The following PCDHGB7 variants were observed in gnomAD, a reference collection of about 807,000 sequenced individuals.
The protein encoded by PCDHGB7 is protocadherin gamma-B7.
A neutral mutation model predicts 61.4 loss-of-function variants in PCDHGB7; 37 were observed. That is an observed-to-expected ratio of 0.60 (90% CI 0.46 to 0.79). PCDHGB7 has a LOEUF of 0.79. Among genes scored for constraint, PCDHGB7 ranks in the 30% least tolerant of loss-of-function variants. The probability of loss-of-function intolerance (pLI) is 0.00; values close to 1 mark genes in which losing one functional copy is unlikely to be tolerated. For synonymous variants in PCDHGB7, 464 were observed against 503.5 expected, an observed-to-expected ratio of 0.92 and a Z score of 1.05; for missense variants, 1,166 against 1,202.5, an observed-to-expected ratio of 0.97 and a Z score of 0.45.
chr5:141,444,013 C>T (rs1226458485), intron 1 of PCDHGB7, among the ~76,000 whole-genome samples: 2 of 152,060 alleles, frequency 1.3e-5, no homozygotes, highest in Admixed American at 6.6e-5. Flanking sequence ...TGGGTATTGG[C>T]TTCTAAAAGG....
rs1205353926 is a variant in PCDHGB7 at position 141,477,969 on chromosome 5, T to A, written c.2416-16838T>A. 6.2e-7 allele frequency: 1 copy of A among 1,613,962 alleles called. No homozygotes were observed. Among genetic ancestry groups the A allele is most frequent in the Non-Finnish European group, 8.5e-7 (1 of 1,180,032 alleles). ...CTCTTGGGATCCCCTAACCAGAGCC[T>A]TTTTGCCATAGGGCTGCACACTGGT... On this transcript the variant is annotated intron_variant, in intron 1 of 3. Coordinates refer to ENST00000398594, the MANE Select transcript of PCDHGB7 (RefSeq NM_018927.4). The surrounding 1 kb of genome is among the most constrained non-coding windows in gnomAD (Gnocchi z 4.9).
intron 1 of PCDHGB7, among the ~76,000 whole-genome samples, chr5:141,446,727 A>G (rs546345866): frequency 6.6e-6 from 1 of 152,258 alleles, no homozygotes; most frequent in African/African-American, 2.4e-5. Context: ...TCGGCCTCCC[A>G]AAGTGTGGGG....
chr5:141,423,569 TC>T (rs2096755253), intron 1 of PCDHGB7: 1 of 1,613,362 alleles, frequency 6.2e-7, no homozygotes, highest in Non-Finnish European at 8.5e-7. Context: ...GACACGCTCA[TC>T]AGCCAGGAGA....
chr5:141,418,810 A>G lies in PCDHGB7; in HGVS notation c.951A>G (p.Ile317Met), dbSNP rs149866479. The G allele has an allele frequency of 4.9e-3, 7,975 of 1,613,892 alleles. 44 individuals carry two copies. Among genetic ancestry groups the G allele is most frequent in the Admixed American group, 9.4e-3 (567 of 60,018 alleles). The change falls in exon 1 of 4, where the codon ATA (isoleucine) becomes ATG (methionine). Residue 317 changes from isoleucine to methionine, a missense_variant. Ile to Met is a conservative substitution (Grantham distance 10, BLOSUM62 1). Coordinates refer to ENST00000398594, the MANE Select transcript of PCDHGB7 (RefSeq NM_018927.4). ...TTGAAGAAGTAGAAAGATATACGAT[A>G]AACATAGAAGCAAAAGACCGAGGAT... ...LDFEEVERYTINIEAKDRGSL... is the reference protein window; with the variant it reads ...LDFEEVERYTMNIEAKDRGSL...
chr5:141,425,661 C>A (rs993314865), intron 1 of PCDHGB7, among the ~76,000 whole-genome samples: 5 of 152,184 alleles, frequency 3.3e-5, no homozygotes, highest in Admixed American at 3.3e-4. Context: ...ATTATCTGCA[C>A]ATCAGATTGA....
chr5:141,420,001 C>T lies in PCDHGB7; in HGVS notation c.2142C>T (p.Arg714=). The change falls in exon 1 of 4, where the codon CGC becomes CGT. Residue 714 remains arginine (R), a synonymous_variant. Coordinates refer to ENST00000398594, the MANE Select transcript of PCDHGB7 (RefSeq NM_018927.4). Reference sequence around the variant, plus strand: ...CGGTGATTCTAGCTATTGCTCTACGCCTGCGACAGTCTTTCAGCCCTACTG... The same window carrying T: ...CGGTGATTCTAGCTATTGCTCTACGTCTGCGACAGTCTTTCAGCCCTACTG... ...LLAVILAIAL[R]LRQSFSPTAG... 6.2e-7 allele frequency: 1 copy of T among 1,614,084 alleles called. No individual in the cohort carries two copies. Among genetic ancestry groups the T allele is most frequent in the Non-Finnish European group, 8.5e-7 (1 of 1,179,910 alleles).
At chr5:141,441,398 G>A (rs1257981333) in intron 1 of PCDHGB7, 1 of 154,848 alleles carries the variant, frequency 6.5e-6, no homozygotes, top group Non-Finnish European at 1.4e-5. Context: ...TATAACATCA[G>A]CATCACTGCC....
intron 2 of PCDHGB7, among the ~76,000 whole-genome samples, chr5:141,500,176 A>G (rs922155744): frequency 1.4e-5 from 2 of 145,916 alleles, no homozygotes; most frequent in Admixed American, 1.4e-4. Flanking sequence ...CATGAGCTTC[A>G]TTTTTATTTT....
In PCDHGB7 at chr5:141,512,843, T is replaced by G. The variant is rs2099884463; in HGVS notation, c.*1670T>G. ...CCCTCCCCCGTACTGACTTCTCCTATAAGCGCTTCTCTTCGCATAGTCACG... is the reference window on the plus strand; with the variant it reads ...CCCTCCCCCGTACTGACTTCTCCTAGAAGCGCTTCTCTTCGCATAGTCACG... On this transcript the variant is annotated 3_prime_UTR_variant, in exon 4 of 4. Coordinates refer to ENST00000398594, the MANE Select transcript of PCDHGB7 (RefSeq NM_018927.4). 6.6e-6 allele frequency: 1 copy of G among 152,290 alleles called. No individual in the cohort carries two copies. The highest frequency in any genetic ancestry group is 1.5e-5 in the Non-Finnish European group (1 of 68,088). 9.4% of individuals were successfully genotyped at this position (152,290 alleles called of 1,614,324 possible).
chr5:141,473,892 G>C (rs1247711441), intron 1 of PCDHGB7, among the ~76,000 whole-genome samples: 1 of 152,138 alleles, frequency 6.6e-6, no homozygotes, highest in African/African-American at 2.4e-5. Context: ...GGGTTCTGTT[G>C]GTTCATGAAG....
rs2096663485 is a variant in PCDHGB7, at chr5:141,422,674, A to G, written c.2415+2400A>G. 3 of 1,606,698 alleles carry G rather than the reference A, an allele frequency of 1.9e-6. No individual in the cohort carries two copies. The East Asian group carries it at 6.7e-5, about 36-fold the overall frequency. On this transcript the variant is annotated intron_variant, in intron 1 of 3. Transcript: ENST00000398594. ...AGTGACCGCCCTCGACCCGGACAGC[A>G]AACAGAATGCCCTGGTCACTTACTC...
At chr5:141,498,105 G>A (rs150297456) in intron 2 of PCDHGB7, among the ~76,000 whole-genome samples, 4 of 152,206 alleles carry the variant, frequency 2.6e-5, no homozygotes, top group African/African-American at 9.7e-5. Flanking sequence ...TGGTGTGGGC[G>A]TATAATAGGG....
intron 2 of PCDHGB7, among the ~76,000 whole-genome samples, chr5:141,498,971 G>GGGAAGGAA (rs201769957): frequency 0.022 from 2,449 of 111,032 alleles, 52 homozygotes; most frequent in African/African-American, 0.046. Flanking sequence ...GAGGGAGGGA[G>GGGAAGGAA]GGAAGGAAGG....
At chr5:141,424,036 C>T (rs2096796408) in intron 1 of PCDHGB7, 1 of 1,029,488 alleles carries the variant, frequency 9.7e-7, no homozygotes, top group Non-Finnish European at 1.2e-6. Flanking sequence ...CTTTTTATTT[C>T]CATTTCAATT....
intron 1 of PCDHGB7, among the ~76,000 whole-genome samples, chr5:141,472,913 G>A (rs1049221725): frequency 2.0e-5 from 3 of 147,764 alleles, no homozygotes; most frequent in African/African-American, 2.5e-5. Context: ...TTGAACCCAA[G>A]AGGAGGAGGT....
chr5:141,486,555 A>T lies in PCDHGB7; in HGVS notation c.2416-8252A>T, dbSNP rs746001345. The T allele has an allele frequency of 6.2e-6, 10 of 1,614,078 alleles. No individual in the cohort carries two copies. Among genetic ancestry groups the T allele is most frequent in the Non-Finnish European group, 7.6e-6 (9 of 1,180,022 alleles). ...CCCTCTTTCTTTCAGAGGTCACATGAGGTGTTTGTTCCTGAGAACAATCGC... is the reference window on the plus strand; with the variant it reads ...CCCTCTTTCTTTCAGAGGTCACATGTGGTGTTTGTTCCTGAGAACAATCGC... On this transcript the variant is annotated intron_variant, in intron 1 of 3. Transcript: ENST00000398594. This position sits in a 1 kb window ranked among gnomAD's most constrained non-coding sequence, Gnocchi z 5.0.
At chr5:141,501,329 ACACAC>A (rs1562200854) in intron 2 of PCDHGB7, among the ~76,000 whole-genome samples, 2 of 148,226 alleles carry the variant, frequency 1.3e-5, no homozygotes, top group Non-Finnish European at 3.0e-5. Flanking sequence ...ACACACACAC[ACACAC>A]CCCAAACTCA....
chr5:141,421,548 G>A, intron 1 of PCDHGB7: 19 of 1,613,984 alleles, frequency 1.2e-5, no homozygotes, highest in Non-Finnish European at 1.6e-5. Flanking sequence ...TTTTAAATAT[G>A]GAACTTCTCG....
rs564197257 is a variant in PCDHGB7, at chr5:141,458,715, A to G, written c.2416-36092A>G. On this transcript the variant is annotated intron_variant, in intron 1 of 3. Coordinates refer to ENST00000398594, the MANE Select transcript of PCDHGB7 (RefSeq NM_018927.4). ...CTCCCGAGTAGCTGGGATTACAGGT[A>G]TTCGCCACCACATCCAGCTATTGGT... Among the ~76,000 whole-genome samples the G allele has an allele frequency of 3.9e-5, 6 of 152,082 alleles. No homozygotes were observed. The East Asian group carries it at 9.7e-4, about 25-fold the overall frequency.
Sources: allele counts gnomAD v4.1 joint callset (sites outside exome capture counted in the v4.1 genomes callset), GRCh38; gene constraint gnomAD v4.1.1; non-coding constraint Gnocchi (gnomAD v3.1); transcripts MANE v1.5; gene names NCBI Gene and HGNC (gene_info 2026-07-23, HGNC 2026-07-21).